Variants in PRKCSH observed in about 807,000 individuals in gnomAD.
PRKCSH encodes the protein glucosidase 2 subunit beta.
In PRKCSH, 42 loss-of-function variants were observed where a neutral mutation model predicts 79.7. That is an observed-to-expected ratio of 0.53 (90% CI 0.41 to 0.68). The LOEUF (loss-of-function observed/expected upper bound fraction) is 0.68. PRKCSH is among the 30% of genes least tolerant of loss of function. The pLI is 0.00. For synonymous variants in PRKCSH, 325 were observed against 288.2 expected (o/e 1.13, Z -1.29); for missense variants, 686 against 709.0 (o/e 0.97, Z 0.37).
At position 11,449,061 on chromosome 19, in the gene PRKCSH, C is replaced by T. The variant is rs745817056; in HGVS notation, c.1362-15C>T. On this transcript the variant is annotated splice_polypyrimidine_tract_variant and intron_variant, in intron 15 of 17. Transcript: ENST00000677123. This position sits in a 1 kb window ranked among gnomAD's most constrained non-coding sequence, Gnocchi z 6.4. ...CGACACCGGCCCAGCCCTCAGCACC[C>T]TGTGTCTCTCACAGCACCTGGGGCT... The T allele has an allele frequency of 2.0e-5, 32 of 1,613,244 alleles. No individual in the cohort carries two copies. Among genetic ancestry groups the T allele is most frequent in the Non-Finnish European group, 2.6e-5 (31 of 1,179,986 alleles).
chr19:11,436,799 A>T (rs527955098), intron 3 of PRKCSH: 22 of 416,336 alleles, frequency 5.3e-5, no homozygotes, highest in Non-Finnish European at 9.5e-5. Flanking sequence ...AGTGGGAGAC[A>T]GGGTGGGGCC....
intron 6 of PRKCSH, 83 bp downstream of exon 6, chr19:11,441,440 TG>T: frequency 8.0e-7 from 1 of 1,253,836 alleles, no homozygotes; most frequent in Non-Finnish European, 1.2e-6. Context: ...GGGAGGGGTT[TG>T]CCCCTGACTG....
At chr19:11,443,783 A>G (rs1422451737) in intron 7 of PRKCSH, among the ~76,000 whole-genome samples, 2 of 151,176 alleles carry the variant, frequency 1.3e-5, no homozygotes, top group African/African-American at 4.9e-5. Flanking sequence ...TTTTTAGTTT[A>G]TTTATTTTTG....
In PRKCSH at chr19:11,435,706, T is replaced by C. The variant is rs1568358032; in HGVS notation, c.-78T>C. ...GATACTGACCTTTGCTCCGGCCTCG[T>C]GTAGGTGTGAACGAGCGGGTGGGAG... On this transcript the variant is annotated splice_region_variant and 5_prime_UTR_variant, in exon 1 of 18. Coordinates refer to ENST00000677123, the MANE Select transcript of PRKCSH (RefSeq NM_001289104.2). 2.3e-6 allele frequency: 3 copies of C among 1,318,788 alleles called. No individual in the cohort carries two copies. The highest frequency in any genetic ancestry group is 2.0e-6 in the Non-Finnish European group (2 of 1,008,992). The allele number at this position is 1,318,788 out of a possible 1,614,324, so 81.7% of individuals were successfully genotyped here. A position where few individuals can be genotyped will look rare whatever the true frequency, so the allele number is the denominator to read the frequency against.
At chr19:11,446,421 G>GT (rs903181658) in intron 9 of PRKCSH, 71 bp downstream of exon 9, 10 of 1,484,940 alleles carry the variant, frequency 6.7e-6, no homozygotes, top group Admixed American at 6.3e-5. Flanking sequence ...GGGCACAGGA[G>GT]GGGGACCAAG....
In PRKCSH at chr19:11,447,852, G is replaced by A. The variant is rs1270364292; in HGVS notation, c.1126+63G>A. The A allele has an allele frequency of 6.8e-7, 1 of 1,479,090 alleles. No homozygotes were observed. Among genetic ancestry groups the A allele is most frequent in the African/African-American group, 1.4e-5 (1 of 71,372 alleles). The allele number at this position is 1,479,090 out of a possible 1,614,324, so 91.6% of individuals were successfully genotyped here. On this transcript the variant is annotated intron_variant, in intron 12 of 17. Coordinates refer to ENST00000677123, the MANE Select transcript of PRKCSH (RefSeq NM_001289104.2). This position sits in a 1 kb window ranked among gnomAD's most constrained non-coding sequence, Gnocchi z 5.6. Reference sequence around the variant, plus strand: ...CAGCGTTTCCTGCCGTGGTGGCACAGGTCGAGGGAAGATCCTGAGCTTAGA... The same window carrying A: ...CAGCGTTTCCTGCCGTGGTGGCACAAGTCGAGGGAAGATCCTGAGCTTAGA...
rs766606382 is a variant in PRKCSH, at chr19:11,446,328, C to T, written c.740C>T (p.Ala247Val). The change falls in exon 9 of 18, where the codon GCG (alanine) becomes GTG (valine). Residue 247 changes from alanine to valine, a missense_variant. Ala to Val is a moderately conservative substitution (Grantham distance 64). Coordinates refer to ENST00000677123, the MANE Select transcript of PRKCSH (RefSeq NM_001289104.2). ...GAGCTGGACACAGATGGGGATGGGG[C>T]GTTGTCAGAAGCGGAAGCTCAGGTA... ...HPELDTDGDG[A>V]LSEAEAQALL... 12 of 1,613,632 alleles carry T rather than the reference C, an allele frequency of 7.4e-6. No homozygotes were observed. Among genetic ancestry groups the T allele is most frequent in the South Asian group, 3.3e-5 (3 of 91,060 alleles).
chr19:11,446,820 G>A (rs371212148), intron 9 of PRKCSH, among the ~76,000 whole-genome samples: 5 of 151,108 alleles, frequency 3.3e-5, no homozygotes, highest in Admixed American at 1.3e-4. Context: ...CCATCTGTAC[G>A]TCCGTTTGTC....
At chr19:11,435,938 TATCGGAAAC>T in intron 1 of PRKCSH, 94 bp from the exon 2 acceptor site, 3 of 979,698 alleles carry the variant, frequency 3.1e-6, no homozygotes, top group Non-Finnish European at 4.7e-6. Context: ...CTCGCCCCCA[TATCGGAAAC>T]AAAGTGAGGC....
At chr19:11,450,497 A>C (rs935175327) in intron 17 of PRKCSH, 149 bp from the exon 18 acceptor site, 1 of 151,860 alleles carries the variant, frequency 6.6e-6, no homozygotes, top group Non-Finnish European at 1.5e-5. Context: ...TAATAATAAT[A>C]AGAGAAAATA....
Position 11,449,573 on chromosome 19 carries a change from C to T in PRKCSH, c.*16+145C>T. Reference sequence around the variant, plus strand: ...GTTTTGTTTTTTTGAGGTGGAGTCTCACTCTTTGGCCCAGGCTGGAGTGCA... The same window carrying T: ...GTTTTGTTTTTTTGAGGTGGAGTCTTACTCTTTGGCCCAGGCTGGAGTGCA... On this transcript the variant is annotated intron_variant, in intron 17 of 17. Transcript: ENST00000677123. This position sits in a 1 kb window ranked among gnomAD's most constrained non-coding sequence, Gnocchi z 6.4. The T allele has an allele frequency of 9.0e-7, 1 of 1,115,976 alleles. No individual in the cohort carries two copies. Among genetic ancestry groups the T allele is most frequent in the East Asian group, 2.6e-5 (1 of 38,852 alleles). The allele number at this position is 1,115,976 out of a possible 1,614,324, so 69.1% of individuals were successfully genotyped here. A position where few individuals can be genotyped will look rare whatever the true frequency, so the allele number is the denominator to read the frequency against.
At position 11,447,297 on chromosome 19, in the gene PRKCSH, C is replaced by A. The variant is rs1266678513; in HGVS notation, c.849+137C>A. ...GGCCCCAGCACCCCCCACCGAGACC[C>A]CCCGACCCCAGCTGTCGGTCCTCCC... On this transcript the variant is annotated intron_variant, in intron 10 of 17. Coordinates refer to ENST00000677123, the MANE Select transcript of PRKCSH (RefSeq NM_001289104.2). The surrounding 1 kb of genome is among the most constrained non-coding windows in gnomAD (Gnocchi z 5.6). The A allele has an allele frequency of 6.0e-6, 8 of 1,332,844 alleles. No homozygotes were observed. In the African/African-American group the frequency reaches 1.0e-4, roughly 17 times the overall value. The allele number at this position is 1,332,844 out of a possible 1,614,324, so 82.6% of individuals were successfully genotyped here.
Position 11,441,348 on chromosome 19 carries a change from G to A in PRKCSH, c.459G>A (p.Glu153=), listed in dbSNP as rs1267598619. 1.2e-6 allele frequency: 2 copies of A among 1,613,848 alleles called. No individual in the cohort carries two copies. Among genetic ancestry groups the A allele is most frequent in the South Asian group, 1.1e-5 (1 of 91,076 alleles). ...TTGAGGACTGGAAGAAGGCACGGGAGGAGAAGCAGGTAAGGAACCCGCGGG... is the reference window on the plus strand; with the variant it reads ...TTGAGGACTGGAAGAAGGCACGGGAAGAGAAGCAGGTAAGGAACCCGCGGG... The part of the protein sequence containing the change: ...ILIEDWKKAR[E]EKQKKLIELQ... Residue 153 remains glutamate (E), a synonymous_variant, in exon 6 of 18, where the codon GAG becomes GAA. Coordinates refer to ENST00000677123, the MANE Select transcript of PRKCSH (RefSeq NM_001289104.2).
intron 8 of PRKCSH, chr19:11,445,936 G>T: frequency 2.0e-6 from 1 of 508,168 alleles, no homozygotes; most frequent in Non-Finnish European, 3.6e-6. Flanking sequence ...CAAGGGTGGG[G>T]GTGGGCTTTG....
intron 5 of PRKCSH, 100 bp from the exon 6 acceptor site, chr19:11,441,140 T>G: frequency 1.7e-6 from 2 of 1,159,558 alleles, no homozygotes; most frequent in East Asian, 2.4e-5. Context: ...CCAGCATGGC[T>G]TGGTGGGGGG....
intron 9 of PRKCSH, 106 bp downstream of exon 9, chr19:11,446,456 G>A (rs1970305246): frequency 3.0e-6 from 4 of 1,337,132 alleles, no homozygotes; most frequent in South Asian, 1.3e-5. Context: ...GGCCTGGGAT[G>A]CCTCCTCTGG....
chr19:11,448,172 TC>T lies in PRKCSH; in HGVS notation c.1127-48del. The stretch of plus-strand genomic sequence containing the variant: ...CACATCCATGGAACCCCGTTCCCCA[TC>T]CTCCTGGATGGGGTTGAGGACATCT... On this transcript the variant is annotated intron_variant, in intron 12 of 17. Transcript: ENST00000677123. The surrounding 1 kb of genome is among the most constrained non-coding windows in gnomAD (Gnocchi z 4.4). The T allele has an allele frequency of 6.6e-7, 1 of 1,525,724 alleles. No homozygotes were observed. The allele number at this position is 1,525,724 out of a possible 1,614,324, so 94.5% of individuals were successfully genotyped here.
Position 11,437,883 on chromosome 19 carries a change from T to C in PRKCSH, c.204T>C (p.Ala68=). The C allele has an allele frequency of 1.9e-6, 3 of 1,614,218 alleles. No homozygotes were observed. Among genetic ancestry groups the C allele is most frequent in the Non-Finnish European group, 2.5e-6 (3 of 1,180,018 alleles). Residue 68 remains alanine (A), a synonymous_variant, in exon 4 of 18, where the codon GCT becomes GCC. Transcript: ENST00000677123. ...CTCCCTTCTTCCTCACAGGCACGGC[T>C]GCCTGTCCTAATGGCAGCTTCCACT... ...CKDGSDEPGT[A]ACPNGSFHCT... is the part of the protein sequence containing the mutation.
In PRKCSH at chr19:11,446,355, C is replaced by T. The variant is rs749097147; in HGVS notation, c.762+5C>T. 2 of 1,611,854 alleles carry T rather than the reference C, an allele frequency of 1.2e-6. No homozygotes were observed. The highest frequency in any genetic ancestry group is 2.2e-5 in the South Asian group (2 of 90,682). On this transcript the variant is annotated splice_donor_5th_base_variant and intron_variant, in intron 9 of 17. Transcript: ENST00000677123. ...TTGTCAGAAGCGGAAGCTCAGGTACCCCCGGCTGCCCCTTGGTTGGGGACT... is the reference window on the plus strand; with the variant it reads ...TTGTCAGAAGCGGAAGCTCAGGTACTCCCGGCTGCCCCTTGGTTGGGGACT...
Sources: gnomAD v4.1 joint callset for allele counts (sites outside exome capture counted in the v4.1 genomes callset) on GRCh38, gnomAD v4.1.1 for gene constraint, Gnocchi (gnomAD v3.1) non-coding constraint, MANE v1.5 for transcripts, NCBI Gene and HGNC (gene_info 2026-07-23, HGNC 2026-07-21) for gene names.